Variants in UNC13B observed in about 807,000 individuals in gnomAD.
UNC13B encodes unc-13 homolog B.
A neutral mutation model predicts 211.0 loss-of-function variants in UNC13B; 144 were observed. The observed-to-expected ratio is 0.68, with a 90% CI of 0.60 to 0.78. The LOEUF (loss-of-function observed/expected upper bound fraction) is 0.78. Ranked by LOEUF, UNC13B falls within the 30% of genes least tolerant of loss-of-function variation. The probability of loss-of-function intolerance (pLI) is 0.00; values close to 1 mark genes in which losing one functional copy is unlikely to be tolerated. For missense variants in UNC13B, 1,777 were observed against 2,002.0 expected (o/e 0.89, Z 2.14); for synonymous variants, 709 against 725.8 (o/e 0.98, Z 0.37).
At chr9:35,279,198 A>G (rs1198635494) in intron 7 of UNC13B, among the ~76,000 whole-genome samples, 2 of 152,152 alleles carry the variant, frequency 1.3e-5, no homozygotes, top group East Asian at 3.8e-4. Context: ...GTCACTCTCC[A>G]TTCTCTCCAC....
Position 35,303,663 on chromosome 9 carries a change from G to A in UNC13B, c.4259G>A (p.Ser1420Asn), listed in dbSNP as rs959637745. 1.5e-5 allele frequency: 6 copies of A among 398,602 alleles called. No homozygotes were observed. The highest frequency in any genetic ancestry group is 8.2e-5 in the African/African-American group (4 of 48,614). The allele number at this position is 398,602 out of a possible 1,614,324, so 24.7% of individuals were successfully genotyped here. A position where few individuals can be genotyped will look rare whatever the true frequency, so the allele number is the denominator to read the frequency against. ...NILEWRTNPN[S>N]VIWCDLPYES... Reference sequence around the variant, plus strand: ...TTGGAGTGGAGAACAAATCCAAACAGTGTCATTTGGTGTGACTTACCATAT... The same window carrying A: ...TTGGAGTGGAGAACAAATCCAAACAATGTCATTTGGTGTGACTTACCATAT... The change falls in exon 9 of 40, where the codon AGT becomes AAT. Residue 1420 changes from serine to asparagine, a missense_variant. Physicochemically the swap from Ser to Asn is conservative, Grantham distance 46. Coordinates refer to ENST00000635942, the MANE Select transcript of UNC13B (RefSeq NM_001371189.2).
At chr9:35,241,309 A>G (rs1431339675) in intron 5 of UNC13B, among the ~76,000 whole-genome samples, 1 of 152,050 alleles carries the variant, frequency 6.6e-6, no homozygotes, top group Admixed American at 6.6e-5. Flanking sequence ...ACATTTAACC[A>G]CTTCCTGTTG....
chr9:35,330,802 G>C (rs1587635151), intron 11 of UNC13B, among the ~76,000 whole-genome samples: 1 of 152,146 alleles, frequency 6.6e-6, no homozygotes, highest in East Asian at 1.9e-4. Flanking sequence ...TGTCACACCT[G>C]GACTGAGATT....
intron 7 of UNC13B, among the ~76,000 whole-genome samples, chr9:35,285,085 G>T (rs1263862615): frequency 1.3e-5 from 2 of 152,210 alleles, no homozygotes; most frequent in Non-Finnish European, 2.9e-5. Context: ...AGGGGATGGG[G>T]ATAAGTGCAG....
At position 35,307,589 on chromosome 9, in the gene UNC13B, C is replaced by T. The variant is rs945924704; in HGVS notation, c.8185C>T (p.Leu2729=). 5 of 399,106 alleles carry T rather than the reference C, an allele frequency of 1.3e-5. No homozygotes were observed. The highest frequency in any genetic ancestry group is 2.2e-5 in the Non-Finnish European group (5 of 226,210). 24.7% of individuals were successfully genotyped at this position (399,106 alleles called of 1,614,324 possible). Residue 2729 remains leucine, a synonymous_variant, in exon 9 of 40, where the codon CTG becomes TTG. Coordinates refer to ENST00000635942, the MANE Select transcript of UNC13B (RefSeq NM_001371189.2). ...ETEGHFSHPL[L]EDPVLAARES... ...CGAAGGGCACTTTTCTCATCCTCTG[C>T]TGGAGGACCCTGTGCTTGCTGCCAG...
intron 1 of UNC13B, among the ~76,000 whole-genome samples, chr9:35,215,799 C>T (rs1188556050): frequency 1.3e-5 from 2 of 152,128 alleles, no homozygotes; most frequent in Non-Finnish European, 2.9e-5. Flanking sequence ...GGTGCTAAAG[C>T]CAGCATTTGC....
intron 21 of UNC13B, among the ~76,000 whole-genome samples, chr9:35,383,579 A>G (rs1292541413): frequency 6.6e-6 from 1 of 152,230 alleles, no homozygotes; most frequent in Non-Finnish European, 1.5e-5. Context: ...TATAATCAAT[A>G]TATGAGTTCT....
intron 2 of UNC13B, among the ~76,000 whole-genome samples, chr9:35,230,705 A>T (rs1825150302): frequency 6.6e-6 from 1 of 151,722 alleles, no homozygotes; most frequent in Non-Finnish European, 1.5e-5. Flanking sequence ...GGTCAATTAG[A>T]TTTGGATTTT....
intron 11 of UNC13B, among the ~76,000 whole-genome samples, chr9:35,316,999 A>T (rs1008388305): frequency 3.9e-5 from 6 of 152,188 alleles, no homozygotes; most frequent in South Asian, 2.1e-4. Context: ...AATAAACATT[A>T]AAAAACTTTT....
Position 35,162,312 on chromosome 9 carries a change from G to A in UNC13B, c.22+7G>A. On this transcript the variant is annotated splice_region_variant and intron_variant, in intron 1 of 39. Transcript: ENST00000635942. The stretch of plus-strand genomic sequence containing the variant: ...TCACTGCTCTGCGTGCGCGGTGAGT[G>A]CGCGGACTGAGGCGGGGAGGCGGGG... 6.5e-7 allele frequency: 1 copy of A among 1,542,682 alleles called. No individual in the cohort carries two copies. Among genetic ancestry groups the A allele is most frequent in the Non-Finnish European group, 8.7e-7 (1 of 1,148,820 alleles).
intron 1 of UNC13B, among the ~76,000 whole-genome samples, chr9:35,203,027 C>T (rs1220846134): frequency 3.3e-5 from 5 of 152,070 alleles, no homozygotes; most frequent in Non-Finnish European, 7.4e-5. Context: ...CTCCTGACCT[C>T]GTGATCCACC....
chr9:35,207,621 C>T (rs562709855), intron 1 of UNC13B, among the ~76,000 whole-genome samples: 1 of 151,972 alleles, frequency 6.6e-6, no homozygotes, highest in East Asian at 1.9e-4. Flanking sequence ...AGGTGTAAGC[C>T]ACTATGCCTG....
chr9:35,180,566 G>C (rs1268299693), intron 1 of UNC13B, among the ~76,000 whole-genome samples: 1 of 152,070 alleles, frequency 6.6e-6, no homozygotes, highest in African/African-American at 2.4e-5. Context: ...GTACTGCAGG[G>C]AGAGGGCTGT....
At chr9:35,356,172 A>G (rs1833007733) in intron 11 of UNC13B, among the ~76,000 whole-genome samples, 2 of 152,196 alleles carry the variant, frequency 1.3e-5, no homozygotes, top group Non-Finnish European at 2.9e-5. Context: ...CCTTGCATAG[A>G]GCAGGACAAG....
intron 11 of UNC13B, among the ~76,000 whole-genome samples, chr9:35,329,911 ATTTG>A (rs1382517970): frequency 6.6e-6 from 1 of 152,118 alleles, no homozygotes; most frequent in Non-Finnish European, 1.5e-5. Flanking sequence ...GCCTGTCAAT[ATTTG>A]TTTCCTGAGG....
intron 7 of UNC13B, among the ~76,000 whole-genome samples, chr9:35,264,965 G>C (rs375368587): frequency 6.6e-6 from 1 of 152,162 alleles, no homozygotes. Flanking sequence ...TTTATAGCTG[G>C]AAATGCATTT....
chr9:35,180,698 C>G (rs1286123171), intron 1 of UNC13B, among the ~76,000 whole-genome samples: 2 of 152,248 alleles, frequency 1.3e-5, no homozygotes, highest in Non-Finnish European at 2.9e-5. Flanking sequence ...ATTACATACT[C>G]TACAACAGTG....
intron 3 of UNC13B, among the ~76,000 whole-genome samples, chr9:35,236,107 T>A (rs1298050142): frequency 6.6e-6 from 1 of 152,122 alleles, no homozygotes; most frequent in East Asian, 1.9e-4. Context: ...AATATATTTA[T>A]CACCTCTAAA....
chr9:35,368,721 G>GTC (rs747654839), intron 12 of UNC13B, among the ~76,000 whole-genome samples: 2 of 135,776 alleles, frequency 1.5e-5, no homozygotes, highest in African/African-American at 5.3e-5. Flanking sequence ...GTCAGTATCT[G>GTC]TTTTTTTTTT....
Sources: allele counts gnomAD v4.1 joint callset (sites outside exome capture counted in the v4.1 genomes callset), GRCh38; gene constraint gnomAD v4.1.1; transcripts MANE v1.5; gene names NCBI Gene and HGNC (gene_info 2026-07-23, HGNC 2026-07-21).